INF2: variants seen among roughly 807,000 people sequenced by gnomAD.
The protein encoded by INF2 is inverted formin 2.
Under a neutral mutation model 123.5 loss-of-function variants are expected in INF2, and 43 were observed. That is an observed-to-expected ratio of 0.35 (90% CI 0.27 to 0.45). The LOEUF (loss-of-function observed/expected upper bound fraction) is 0.45, where lower values mean the gene tolerates loss of function less well. Ranked by LOEUF, INF2 falls within the 20% of genes least tolerant of loss-of-function variation. INF2 has a pLI of 1.00. For missense variants in INF2, 1,453 were observed against 1,682.7 expected (o/e 0.86, Z 2.39); for synonymous variants, 851 against 745.0 (o/e 1.14, Z -2.32).
intron 1 of INF2, chr14:104,681,624 G>C: frequency 7.8e-7 from 1 of 1,286,072 alleles, no homozygotes; most frequent in African/African-American, 1.5e-5. Flanking sequence ...GGGTAGCCGA[G>C]AAAGCAGAGC....
chr14:104,714,809 AG>A lies in INF2; in HGVS notation c.3651del (p.Thr1218ProfsTer30). ...TLPRARGRAS[K>X]GTGKRRKKRP... ...CCCAGGGCCCGGGGCCGGGCCTCAA[AG>A]GGGACCGGGAAGCGAAGGAAGAAGC... On this transcript the variant is annotated frameshift_variant, in exon 21 of 23. Coordinates refer to ENST00000392634, the MANE Select transcript of INF2 (RefSeq NM_022489.4). LOFTEE classifies it high-confidence loss of function. The A allele has an allele frequency of 6.3e-7, 1 of 1,596,378 alleles. No homozygotes were observed. Among genetic ancestry groups the A allele is most frequent in the Non-Finnish European group, 8.5e-7 (1 of 1,173,750 alleles).
chr14:104,716,878 G>T (rs1402876152), intron 22 of INF2, among the ~76,000 whole-genome samples: 1 of 152,102 alleles, frequency 6.6e-6, no homozygotes, highest in Non-Finnish European at 1.5e-5. Context: ...TTTTAGCAGA[G>T]ACAGGGTTTC....
chr14:104,716,934 C>T (rs1485364531), intron 22 of INF2, among the ~76,000 whole-genome samples: 1 of 152,216 alleles, frequency 6.6e-6, no homozygotes, highest in Admixed American at 6.5e-5. Flanking sequence ...TCAGGTGATC[C>T]ACCCGCCTCG....
At chr14:104,715,400 A>G in intron 22 of INF2, 60 bp downstream of exon 22, 1 of 1,475,546 alleles carries the variant, frequency 6.8e-7, no homozygotes, top group Non-Finnish European at 9.5e-7. Flanking sequence ...GTGGGGCTGG[A>G]GCTTGCTGCC....
At chr14:104,709,470 G>A (rs963843602) in intron 11 of INF2, 87 bp downstream of exon 11, 2 of 1,291,548 alleles carry the variant, frequency 1.5e-6, no homozygotes, top group Admixed American at 3.4e-5. Flanking sequence ...CAGGGAGACA[G>A]AGAAGGGAGG....
intron 3 of INF2, 22 bp from the exon 4 acceptor site, chr14:104,703,273 C>T: frequency 2.5e-6 from 4 of 1,613,026 alleles, no homozygotes; most frequent in Non-Finnish European, 3.4e-6. Context: ...CTGGGTGTGC[C>T]CTGACCCCGC....
Position 104,708,570 on chromosome 14 carries a change from A to T in INF2, c.1870A>T (p.Arg624Trp). 1.2e-6 allele frequency: 2 copies of T among 1,612,114 alleles called. No individual in the cohort carries two copies. Among genetic ancestry groups the T allele is most frequent in the Non-Finnish European group, 1.7e-6 (2 of 1,179,730 alleles). The change falls in exon 9 of 23, where the codon AGG (arginine) becomes TGG (tryptophan). Residue 624 changes from arginine to tryptophan, a missense_variant. By Grantham distance (101) the Arg-to-Trp change is moderately radical. Coordinates refer to ENST00000392634, the MANE Select transcript of INF2 (RefSeq NM_022489.4). ...KEPTMVAPRA[R>W]KEPKEITFLD... Reference sequence around the variant, plus strand: ...GCCCACCATGGTGGCCCCCCGGGCCAGGAAGGAGCCCAAGGAGGTGGGGAC... The same window carrying T: ...GCCCACCATGGTGGCCCCCCGGGCCTGGAAGGAGCCCAAGGAGGTGGGGAC...
In INF2 at chr14:104,713,476, G is replaced by A; in HGVS notation, c.2910G>A (p.Val970=). Residue 970 remains valine, a synonymous_variant, in exon 20 of 23, where the codon GTG becomes GTA. Coordinates refer to ENST00000392634, the MANE Select transcript of INF2 (RefSeq NM_022489.4). ...VRKGPGKQEE[V]CVIDALLADI... ...AGGGGCCCGGGAAGCAGGAGGAGGT[G>A]TGTGTCATCGATGCCCTGCTGGCTG... The A allele has an allele frequency of 1.2e-6, 2 of 1,611,584 alleles. No homozygotes were observed. Among genetic ancestry groups the A allele is most frequent in the Non-Finnish European group, 1.7e-6 (2 of 1,179,446 alleles).
intron 1 of INF2, among the ~76,000 whole-genome samples, chr14:104,695,239 G>A (rs1393350739): frequency 1.3e-5 from 2 of 152,228 alleles, no homozygotes; most frequent in East Asian, 1.9e-4. Flanking sequence ...ATCTGTACAC[G>A]TCACTCCCAG....
intron 5 of INF2, chr14:104,704,694 A>G (rs1409367129): frequency 6.6e-6 from 1 of 152,650 alleles, no homozygotes; most frequent in East Asian, 1.9e-4. Context: ...CCCTGGTGCC[A>G]AAAAGGCTGG....
At chr14:104,716,553 C>T (rs551689654) in intron 22 of INF2, among the ~76,000 whole-genome samples, 2 of 152,222 alleles carry the variant, frequency 1.3e-5, no homozygotes, top group Admixed American at 6.5e-5. Context: ...GAAAGATGGA[C>T]GTGTCCAGTG....
At position 104,714,633 on chromosome 14, in the gene INF2, C is replaced by T. The variant is rs1890207037; in HGVS notation, c.3471C>T (p.His1157=). 1.2e-6 allele frequency: 2 copies of T among 1,612,630 alleles called. No homozygotes were observed. Among genetic ancestry groups the T allele is most frequent in the Non-Finnish European group, 1.7e-6 (2 of 1,179,856 alleles). ...GTGAGGGGCTGGAGGACGCTGTCCACAGCCGTGGTGCCAGACCCCCTGCAG... is the reference window on the plus strand; with the variant it reads ...GTGAGGGGCTGGAGGACGCTGTCCATAGCCGTGGTGCCAGACCCCCTGCAG... ...STSEGLEDAV[H]SRGARPPAAG... is the part of the protein sequence containing the mutation. The change falls in exon 21 of 23, where the codon CAC becomes CAT. Residue 1157 remains histidine, a synonymous_variant. Transcript: ENST00000392634.
At chr14:104,697,442 C>T (rs1013965517) in intron 1 of INF2, among the ~76,000 whole-genome samples, 2 of 152,256 alleles carry the variant, frequency 1.3e-5, no homozygotes, top group Non-Finnish European at 2.9e-5. Flanking sequence ...CTCAGGAGCC[C>T]ACACTCCCTG....
chr14:104,696,276 A>G (rs1889186368), intron 1 of INF2, among the ~76,000 whole-genome samples: 1 of 152,170 alleles, frequency 6.6e-6, no homozygotes, highest in Non-Finnish European at 1.5e-5. Context: ...CACTCCATCC[A>G]GATCTTGGGG....
chr14:104,714,568 T>A lies in INF2; in HGVS notation c.3406T>A (p.Ser1136Thr), dbSNP rs754329710. ...SSRQDAKDPT[S>T]LLGVLQAEAD... Reference sequence around the variant, plus strand: ...AAGGCAAGATGCCAAGGATCCCACGTCCTTGCTGGGCGTCCTCCAGGCCGA... The same window carrying A: ...AAGGCAAGATGCCAAGGATCCCACGACCTTGCTGGGCGTCCTCCAGGCCGA... The change falls in exon 21 of 23, where the codon TCC becomes ACC. Residue 1136 changes from serine to threonine, a missense_variant. Around this residue, in one of 8 missense-constraint regions of INF2, gnomAD observed 344 missense variants for 333.1 expected, o/e 1.03. Transcript: ENST00000392634. 3 of 1,612,620 alleles carry A rather than the reference T, an allele frequency of 1.9e-6. No homozygotes were observed. Among genetic ancestry groups the A allele is most frequent in the Non-Finnish European group, 2.5e-6 (3 of 1,179,858 alleles).
At chr14:104,709,052 AC>A (rs1889917480) in intron 10 of INF2, among the ~76,000 whole-genome samples, 1 of 152,080 alleles carries the variant, frequency 6.6e-6, no homozygotes, top group African/African-American at 2.4e-5. Flanking sequence ...GCTGGACCCG[AC>A]CCATCCTGCA....
At chr14:104,711,266 C>G in intron 15 of INF2, 80 bp downstream of exon 15, 1 of 1,219,182 alleles carries the variant, frequency 8.2e-7, no homozygotes, top group Non-Finnish European at 1.2e-6. Context: ...GAGGCCATAC[C>G]CCCATGCCCA....
At chr14:104,686,070 A>T, upstream of INF2, among the ~76,000 whole-genome samples, 2 of 139,716 alleles carry the variant, frequency 1.4e-5, no homozygotes, top group Middle Eastern at 4.3e-3. Flanking sequence ...TGGATGGATG[A>T]GGGTGGGTGG....
intron 6 of INF2, 129 bp from the exon 7 acceptor site, chr14:104,706,781 C>T: frequency 9.5e-7 from 1 of 1,051,160 alleles, no homozygotes. Flanking sequence ...GTCGCTGAAA[C>T]TCTCATCTCT....
Sources: gnomAD v4.1 joint callset for allele counts (sites outside exome capture counted in the v4.1 genomes callset) on GRCh38, gnomAD v4.1.1 for gene constraint, gnomAD v4.1.1 regional missense constraint, MANE v1.5 for transcripts, NCBI Gene and HGNC (gene_info 2026-07-23, HGNC 2026-07-21) for gene names.